PLCG2: variants seen among roughly 807,000 people sequenced by gnomAD.
The protein encoded by PLCG2 is 1-phosphatidylinositol 4,5-bisphosphate phosphodiesterase gamma-2.
PLCG2 carries 69 observed loss-of-function variants against 175.6 expected under a neutral mutation model. The observed-to-expected ratio is 0.39, with a 90% CI of 0.32 to 0.48. PLCG2 has a LOEUF of 0.48. Among genes scored for constraint, PLCG2 ranks in the 20% least tolerant of loss-of-function variants. The pLI, the probability that PLCG2 is intolerant of heterozygous loss-of-function variation, is 0.91. For synonymous variants in PLCG2, 827 were observed against 624.0 expected, an observed-to-expected ratio of 1.33 and a Z score of -4.85; for missense variants, 1,798 against 1,650.9, an observed-to-expected ratio of 1.09 and a Z score of -1.54.
At chr16:81,749,885 C>A (rs78115812) in intron 1 of PLCG2, among the ~76,000 whole-genome samples, 1,531 of 152,258 alleles carry the variant, frequency 0.01, 19 homozygotes, top group African/African-American at 0.035. Flanking sequence ...TGAGATGTCC[C>A]TCAATGGACA....
chr16:81,952,468 G>T (rs1188676632), intron 31 of PLCG2, among the ~76,000 whole-genome samples: 1 of 151,974 alleles, frequency 6.6e-6, no homozygotes, highest in Non-Finnish European at 1.5e-5. Flanking sequence ...TTCCAGACAT[G>T]GGATAAATAA....
intron 24 of PLCG2, among the ~76,000 whole-genome samples, chr16:81,930,125 C>T (rs1158385583): frequency 6.6e-6 from 1 of 151,474 alleles, no homozygotes; most frequent in Non-Finnish European, 1.5e-5. Flanking sequence ...CCCTTGAGCC[C>T]CAAGAGTTTG....
At chr16:81,766,842 C>A (rs1306499534) in intron 2 of PLCG2, 1 of 152,290 alleles carries the variant, frequency 6.6e-6, no homozygotes, top group Non-Finnish European at 1.5e-5. Context: ...TTGACTTCAA[C>A]CTGCTTCCAG....
At chr16:81,866,000 G>A (rs1332633770) in intron 5 of PLCG2, among the ~76,000 whole-genome samples, 1 of 135,810 alleles carries the variant, frequency 7.4e-6, no homozygotes, top group African/African-American at 2.8e-5. Flanking sequence ...GAGGACGCTG[G>A]CCTCTCCCTT....
chr16:81,880,298 A>G (rs12923859), intron 7 of PLCG2, among the ~76,000 whole-genome samples: 47,111 of 152,080 alleles, frequency 0.31, 7,410 homozygotes, highest in South Asian at 0.35. Flanking sequence ...GGAGGTGCCT[A>G]TCTCAACTGT....
chr16:81,793,307 A>C (rs916227513), intron 2 of PLCG2, among the ~76,000 whole-genome samples: 1 of 152,110 alleles, frequency 6.6e-6, no homozygotes, highest in Non-Finnish European at 1.5e-5. Flanking sequence ...TTCCTTTCTG[A>C]GGGACCTAGT....
chr16:81,814,564 A>G (rs1370695187), intron 2 of PLCG2, among the ~76,000 whole-genome samples: 1 of 152,100 alleles, frequency 6.6e-6, no homozygotes, highest in Non-Finnish European at 1.5e-5. Flanking sequence ...GCATGGTGGC[A>G]TGTGCCTGTA....
At chr16:81,892,098 A>G (rs533880859) in intron 11 of PLCG2, among the ~76,000 whole-genome samples, 2 of 152,176 alleles carry the variant, frequency 1.3e-5, no homozygotes, top group Non-Finnish European at 2.9e-5. Flanking sequence ...TGGTAAGGCA[A>G]GGAGAAGTGT....
In PLCG2 at chr16:81,883,282, C is replaced by T. The variant is rs1908181769; in HGVS notation, c.706C>T (p.Pro236Ser). Residue 236 changes from proline to serine, a missense_variant, in exon 9 of 33, where the codon CCG becomes TCG. Physicochemically the swap from Pro to Ser is moderately conservative, Grantham distance 74 (BLOSUM62 -1). Coordinates refer to ENST00000564138, the MANE Select transcript of PLCG2 (RefSeq NM_002661.5). ...CCCCGAGGATAGGAACACTGACAGGCCGGATGCCTCTGCTGTTTACCTGCA... is the reference window on the plus strand; with the variant it reads ...CCCCGAGGATAGGAACACTGACAGGTCGGATGCCTCTGCTGTTTACCTGCA... ...SVFILGNTDR[P>S]DASAVYLHDF... 1 of 1,613,980 alleles carries T rather than the reference C, an allele frequency of 6.2e-7. No individual in the cohort carries two copies. The highest frequency in any genetic ancestry group is 8.5e-7 in the Non-Finnish European group (1 of 1,179,938).
chr16:81,812,159 C>T (rs1904348361), intron 2 of PLCG2, among the ~76,000 whole-genome samples: 1 of 149,684 alleles, frequency 6.7e-6, no homozygotes, highest in African/African-American at 2.5e-5. Flanking sequence ...ACGCCATTCT[C>T]CTGTCTCAGC....
intron 1 of PLCG2, among the ~76,000 whole-genome samples, chr16:81,743,845 A>G (rs887882372): frequency 2.0e-5 from 3 of 148,644 alleles, no homozygotes; most frequent in South Asian, 4.3e-4. Flanking sequence ...TGAGGGGATA[A>G]CCTCCTTTTT....
chr16:81,866,328 A>G (rs113529789), intron 5 of PLCG2, among the ~76,000 whole-genome samples: 10 of 131,818 alleles, frequency 7.6e-5, no homozygotes, highest in Admixed American at 4.4e-4. Context: ...GGGCACCAGC[A>G]TGAGAGGACG....
chr16:81,920,749 G>A (rs1034869734), intron 20 of PLCG2, among the ~76,000 whole-genome samples: 3 of 190 alleles, frequency 0.016, no homozygotes, highest in African/African-American at 0.021. Flanking sequence ...AGCTCTCAGC[G>A]GGGTAGGGGG....
At position 81,919,682 on chromosome 16, in the gene PLCG2, T is replaced by G; in HGVS notation, c.2235+18T>G. ...ACAATATGGTAGGTGGTGGACTCCC[T>G]TGTGATTTGGTGGGATTTCTTGTCT... On this transcript the variant is annotated intron_variant, in intron 20 of 32. Coordinates refer to ENST00000564138, the MANE Select transcript of PLCG2 (RefSeq NM_002661.5). 1 of 1,600,150 alleles carries G rather than the reference T, an allele frequency of 6.2e-7. No individual in the cohort carries two copies.
intron 2 of PLCG2, among the ~76,000 whole-genome samples, chr16:81,819,948 CA>C (rs930006212): frequency 7.2e-5 from 11 of 152,288 alleles, no homozygotes; most frequent in African/African-American, 2.6e-4. Flanking sequence ...AATGCAGATT[CA>C]TTCTAGAACC....
intron 10 of PLCG2, among the ~76,000 whole-genome samples, chr16:81,889,940 C>T (rs1353959406): frequency 6.6e-6 from 1 of 152,120 alleles, no homozygotes; most frequent in Non-Finnish European, 1.5e-5. Context: ...TAGGTGTGAG[C>T]CACCGCACCT....
At chr16:81,938,599 G>A in intron 28 of PLCG2, 1 of 576,418 alleles carries the variant, frequency 1.7e-6, no homozygotes, top group South Asian at 2.2e-5. Context: ...CGAGACCCAG[G>A]CTGATGCTGA....
chr16:81,950,928 T>C (rs544320061), intron 31 of PLCG2, among the ~76,000 whole-genome samples: 1 of 151,772 alleles, frequency 6.6e-6, no homozygotes, highest in Admixed American at 6.6e-5. Flanking sequence ...AGAAACCAAC[T>C]GAATAAAACA....
Position 81,870,876 on chromosome 16 carries a change from C to A in PLCG2, c.589C>A (p.Leu197Ile). The A allele has an allele frequency of 6.3e-7, 1 of 1,599,566 alleles. No homozygotes were observed. The change falls in exon 7 of 33, where the codon CTC becomes ATC. Residue 197 changes from leucine (L) to isoleucine (I), a missense_variant. Leu to Ile is a conservative substitution (Grantham distance 5). Coordinates refer to ENST00000564138, the MANE Select transcript of PLCG2 (RefSeq NM_002661.5). ...GGAAATAGGAGCACACAAAGATGAG[C>A]TCAGCTTTGAACAGTTCCATCTCTT... ...FVEIGAHKDE[L>I]SFEQFHLFYK... is the part of the protein sequence containing the mutation.
Sources: gnomAD v4.1 joint callset for allele counts (sites outside exome capture counted in the v4.1 genomes callset) on GRCh38, gnomAD v4.1.1 for gene constraint, MANE v1.5 for transcripts, NCBI Gene and HGNC (gene_info 2026-07-23, HGNC 2026-07-21) for gene names.